AFAP1: variants seen among roughly 807,000 people sequenced by gnomAD.
AFAP1 encodes the protein actin filament associated protein 1.
In AFAP1, 75 loss-of-function variants were observed where a neutral mutation model predicts 93.9. The observed-to-expected ratio is 0.80, with a 90% CI of 0.66 to 0.97. AFAP1 has a LOEUF of 0.97. AFAP1 is among the 50% of genes least tolerant of loss of function. The pLI is 0.00. For synonymous variants in AFAP1, 517 were observed against 430.7 expected (o/e 1.20, Z -2.48); for missense variants, 1,201 against 1,050.8 (o/e 1.14, Z -1.98).
chr4:7,810,016 G>A (rs1011251611), intron 8 of AFAP1, among the ~76,000 whole-genome samples: 6 of 152,204 alleles, frequency 3.9e-5, no homozygotes, highest in East Asian at 1.9e-4. Context: ...GTGTCACTAC[G>A]TAGGCCTGGT....
chr4:7,771,608 C>G (rs1715449933), intron 16 of AFAP1, among the ~76,000 whole-genome samples: 1 of 152,180 alleles, frequency 6.6e-6, no homozygotes, highest in African/African-American at 2.4e-5. Context: ...CGTCCACACA[C>G]AGTCTATGCA....
At chr4:7,864,413 T>C (rs1479635036) in intron 3 of AFAP1, among the ~76,000 whole-genome samples, 1 of 152,228 alleles carries the variant, frequency 6.6e-6, no homozygotes, top group Non-Finnish European at 1.5e-5. Flanking sequence ...AACGGCCAAC[T>C]AGCCCAAAGC....
rs116398220 is a variant in AFAP1 at position 7,892,237 on chromosome 4, A to C, written c.-2-20157T>G. Reference sequence around the variant, plus strand: ...GCTCCGGCACCATTTCTAAGTACAGAAGCATCACTTAAGAACTACACAGGC... The same window carrying C: ...GCTCCGGCACCATTTCTAAGTACAGCAGCATCACTTAAGAACTACACAGGC... On this transcript the variant is annotated intron_variant, in intron 1 of 17. Transcript: ENST00000420658. Among the ~76,000 whole-genome samples, 1,500 of 152,240 alleles carry C rather than the reference A, an allele frequency of 9.9e-3. 28 individuals are homozygous for C. Among genetic ancestry groups the C allele is most frequent in the African/African-American group, 0.031 (1,301 of 41,556 alleles).
chr4:7,874,153 C>T (rs887197864), intron 1 of AFAP1, among the ~76,000 whole-genome samples: 1 of 152,088 alleles, frequency 6.6e-6, no homozygotes, highest in East Asian at 1.9e-4. Flanking sequence ...GGTAAAAGAT[C>T]CACCTAAAGA....
intron 11 of AFAP1, among the ~76,000 whole-genome samples, chr4:7,793,322 C>T (rs781776929): frequency 7.2e-5 from 11 of 152,230 alleles, no homozygotes; most frequent in East Asian, 3.8e-4. Context: ...ATCCAGGCCA[C>T]GGCCTGTTTT....
chr4:7,819,039 G>T (rs1328687723), intron 7 of AFAP1, 37 bp downstream of exon 7: 2 of 1,518,308 alleles, frequency 1.3e-6, no homozygotes, highest in Non-Finnish European at 1.8e-6. Flanking sequence ...TCCACTGCAA[G>T]GTCACCGTCC....
intron 13 of AFAP1, 106 bp from the exon 14 acceptor site, chr4:7,778,982 A>G: frequency 3.5e-6 from 3 of 858,996 alleles, no homozygotes; most frequent in Non-Finnish European, 5.4e-6. Flanking sequence ...AGTATTGTAG[A>G]AACTGGCATA....
At chr4:7,842,810 A>G (rs1047658067) in intron 5 of AFAP1, 2 of 262,142 alleles carry the variant, frequency 7.6e-6, no homozygotes, top group African/African-American at 4.4e-5. Context: ...ACAAATGAGA[A>G]AATCCATCTT....
intron 10 of AFAP1, chr4:7,798,858 G>C (rs1718746463): frequency 1.0e-6 from 1 of 952,576 alleles, no homozygotes. Context: ...TTCTCTGTCT[G>C]GGCACTTGCC....
chr4:7,823,967 A>G (rs980144427), intron 6 of AFAP1, among the ~76,000 whole-genome samples: 9 of 152,260 alleles, frequency 5.9e-5, no homozygotes, highest in Non-Finnish European at 1.0e-4. Flanking sequence ...AACATGCATC[A>G]GCATAAACCA....
chr4:7,807,632 A>G (rs757725857), intron 9 of AFAP1, among the ~76,000 whole-genome samples: 1 of 152,140 alleles, frequency 6.6e-6, no homozygotes, highest in Non-Finnish European at 1.5e-5. Context: ...CTTCCCTCCT[A>G]ACTCAACCCC....
At chr4:7,862,169 C>T (rs1364721047) in intron 3 of AFAP1, 1 of 151,958 alleles carries the variant, frequency 6.6e-6, no homozygotes, top group Non-Finnish European at 1.5e-5. Context: ...CCCGTCTCCA[C>T]AAAAAATACA....
In AFAP1 at chr4:7,781,390, C is replaced by A. The variant is rs1470279150; in HGVS notation, c.1768G>T (p.Gly590Trp). The change falls in exon 13 of 18, where the codon GGG becomes TGG. Residue 590 changes from glycine to tryptophan, a missense_variant. Transcript: ENST00000420658. ...AGATGCCGTACCTGCGAGTTGAGCCCGAGAGACGCCCTCCCCACAGAAGAG... is the reference window on the plus strand; with the variant it reads ...AGATGCCGTACCTGCGAGTTGAGCCAGAGAGACGCCCTCCCCACAGAAGAG... ...NTSSVGRASLGLNSQLKGKKP... is the reference protein window; with the variant it reads ...NTSSVGRASLWLNSQLKGKKP... 1 of 1,551,434 alleles carries A rather than the reference C, an allele frequency of 6.4e-7. No individual in the cohort carries two copies. Among genetic ancestry groups the A allele is most frequent in the African/African-American group, 1.4e-5 (1 of 72,998 alleles).
intron 1 of AFAP1, among the ~76,000 whole-genome samples, chr4:7,898,132 G>A (rs867925570): frequency 5.9e-5 from 9 of 152,032 alleles, no homozygotes; most frequent in Non-Finnish European, 1.0e-4. Context: ...CCCAATCACC[G>A]GGGACAGTGG....
At chr4:7,796,095 T>C (rs1054941035) in intron 10 of AFAP1, among the ~76,000 whole-genome samples, 1 of 152,154 alleles carries the variant, frequency 6.6e-6, no homozygotes, top group Non-Finnish European at 1.5e-5. Flanking sequence ...ACACATCTGT[T>C]TCTAGCGTTT....
intron 8 of AFAP1, among the ~76,000 whole-genome samples, chr4:7,810,133 G>T (rs1012930438): frequency 6.6e-6 from 1 of 152,226 alleles, no homozygotes; most frequent in African/African-American, 2.4e-5. Flanking sequence ...AAAGTGCTGG[G>T]ATTACAGGTG....
At chr4:7,917,112 A>G (rs1720124339) in intron 1 of AFAP1, among the ~76,000 whole-genome samples, 1 of 152,214 alleles carries the variant, frequency 6.6e-6, no homozygotes, top group Admixed American at 6.5e-5. Context: ...GTTCACCCAT[A>G]GCACTGTTGT....
intron 6 of AFAP1, among the ~76,000 whole-genome samples, chr4:7,821,635 T>C (rs530486126): frequency 8.2e-4 from 125 of 152,356 alleles, no homozygotes; most frequent in African/African-American, 2.8e-3. Flanking sequence ...AAATGTCTTC[T>C]ATTCTTTTTA....
intron 1 of AFAP1, among the ~76,000 whole-genome samples, chr4:7,929,749 T>A (rs1720960490): frequency 6.6e-6 from 1 of 152,174 alleles, no homozygotes; most frequent in East Asian, 1.9e-4. Flanking sequence ...GAGGCGGCAC[T>A]CAGGAACTAC....
Sources: gnomAD v4.1 joint callset for allele counts (sites outside exome capture counted in the v4.1 genomes callset) on GRCh38, gnomAD v4.1.1 for gene constraint, MANE v1.5 for transcripts, NCBI Gene and HGNC (gene_info 2026-07-23, HGNC 2026-07-21) for gene names.